The following DLG2 variants were observed in gnomAD, a reference collection of about 807,000 sequenced individuals.
DLG2 encodes disks large homolog 2.
A neutral mutation model predicts 132.5 loss-of-function variants in DLG2; 45 were observed. That is an observed-to-expected ratio of 0.34 (90% CI 0.27 to 0.44). The LOEUF (loss-of-function observed/expected upper bound fraction) is 0.44, where lower values mean the gene tolerates loss of function less well. Ranked by LOEUF, DLG2 falls within the 20% of genes least tolerant of loss-of-function variation. The pLI is 1.00. For synonymous variants in DLG2, 424 were observed against 419.6 expected, an observed-to-expected ratio of 1.01 and a Z score of -0.13; for missense variants, 1,045 against 1,196.9, an observed-to-expected ratio of 0.87 and a Z score of 1.87.
intron 13 of DLG2, among the ~76,000 whole-genome samples, chr11:83,963,813 T>C (rs777213079): frequency 6.6e-6 from 1 of 152,002 alleles, no homozygotes; most frequent in Non-Finnish European, 1.5e-5. Flanking sequence ...CACTGTACCA[T>C]CTACCTAGAA....
At chr11:85,593,931 TC>T (rs1218606145) in intron 3 of DLG2, among the ~76,000 whole-genome samples, 8 of 152,130 alleles carry the variant, frequency 5.3e-5, no homozygotes, top group African/African-American at 1.4e-4. Context: ...GTATTGACTG[TC>T]CTCTATAGCT....
chr11:83,561,211 A>G (rs1336339003), intron 19 of DLG2, among the ~76,000 whole-genome samples: 1 of 152,168 alleles, frequency 6.6e-6, no homozygotes, highest in Non-Finnish European at 1.5e-5. Flanking sequence ...CACCTCCAAC[A>G]TTGGGGGTTC....
At chr11:85,073,579 G>A (rs1272493137) in intron 6 of DLG2, among the ~76,000 whole-genome samples, 2 of 151,776 alleles carry the variant, frequency 1.3e-5, no homozygotes, top group African/African-American at 2.4e-5. Flanking sequence ...AGTACCACCT[G>A]TAAATCTAGT....
intron 6 of DLG2, among the ~76,000 whole-genome samples, chr11:84,897,100 ATTT>A (rs889043653): frequency 1.3e-5 from 2 of 151,568 alleles, no homozygotes; most frequent in Non-Finnish European, 3.0e-5. Flanking sequence ...ACCCCACAAT[ATTT>A]TTTGTTAATC....
chr11:85,256,888 T>C (rs1207411598), intron 4 of DLG2, among the ~76,000 whole-genome samples: 1 of 152,256 alleles, frequency 6.6e-6, no homozygotes, highest in African/African-American at 2.4e-5. Context: ...AAATATTGTA[T>C]TCAGAAAAGC....
intron 11 of DLG2, among the ~76,000 whole-genome samples, chr11:84,031,849 T>C (rs2095703120): frequency 6.6e-6 from 1 of 152,200 alleles, no homozygotes; most frequent in Admixed American, 6.5e-5. Context: ...TCCAACAGTG[T>C]GTGTTCACTT....
intron 7 of DLG2, among the ~76,000 whole-genome samples, chr11:84,460,947 T>C (rs1413720899): frequency 6.6e-6 from 1 of 150,790 alleles, no homozygotes; most frequent in Non-Finnish European, 1.5e-5. Flanking sequence ...GAAACATTTT[T>C]TAAGAAGCAG....
intron 15 of DLG2, among the ~76,000 whole-genome samples, chr11:83,928,196 A>G (rs781683600): frequency 8.5e-5 from 13 of 152,124 alleles, no homozygotes; most frequent in Non-Finnish European, 1.8e-4. Flanking sequence ...AGAATACCCA[A>G]AAAGGGGAAT....
At chr11:84,984,630 T>C (rs972387012) in intron 6 of DLG2, among the ~76,000 whole-genome samples, 4 of 149,610 alleles carry the variant, frequency 2.7e-5, no homozygotes, top group African/African-American at 9.9e-5. Context: ...ATGAATGGAA[T>C]GGTACCTCGC....
intron 7 of DLG2, among the ~76,000 whole-genome samples, chr11:84,417,987 T>A (rs1302079843): frequency 6.6e-6 from 1 of 152,172 alleles, no homozygotes; most frequent in African/African-American, 2.4e-5. Flanking sequence ...TATAAATAAA[T>A]TCCTTGCTGT....
intron 7 of DLG2, among the ~76,000 whole-genome samples, chr11:84,381,943 A>G (rs547027226): frequency 2.0e-5 from 3 of 152,298 alleles, no homozygotes; most frequent in Admixed American, 6.5e-5. Flanking sequence ...CTTCTGGAGC[A>G]TGGGGACACC....
chr11:84,643,353 C>G lies in DLG2; in HGVS notation c.358-108622G>C, dbSNP rs139667080. Among the ~76,000 whole-genome samples, 418 of 152,292 alleles carry G rather than the reference C, an allele frequency of 2.7e-3. 1 individual carries two copies. Among genetic ancestry groups the G allele is most frequent in the East Asian group, 8.7e-3 (45 of 5,180 alleles). The stretch of plus-strand genomic sequence containing the variant: ...TTTTTGTAACTTCTTTCCTTAGAAA[C>G]AGAGAGAGCAGTTATAACCATTACA... On this transcript the variant is annotated intron_variant, in intron 6 of 27. Transcript: ENST00000376104.
At chr11:84,757,692 A>C (rs923447834) in intron 6 of DLG2, among the ~76,000 whole-genome samples, 3 of 151,172 alleles carry the variant, frequency 2.0e-5, no homozygotes, top group Non-Finnish European at 4.4e-5. Flanking sequence ...TTATTACACC[A>C]TTTAATAGAA....
chr11:83,939,920 C>T (rs2082278688), intron 14 of DLG2, among the ~76,000 whole-genome samples: 1 of 152,182 alleles, frequency 6.6e-6, no homozygotes, highest in Non-Finnish European at 1.5e-5. Context: ...ATATAATTCT[C>T]TACTTGTGAA....
chr11:84,860,650 C>T (rs777222334), intron 6 of DLG2, among the ~76,000 whole-genome samples: 3 of 152,056 alleles, frequency 2.0e-5, no homozygotes, highest in Non-Finnish European at 4.4e-5. Flanking sequence ...TAATAAAGGA[C>T]ACCTGTGTTA....
intron 3 of DLG2, among the ~76,000 whole-genome samples, chr11:85,435,121 C>T (rs2091407168): frequency 6.6e-6 from 1 of 152,188 alleles, no homozygotes; most frequent in African/African-American, 2.4e-5. Flanking sequence ...AACATCCCTT[C>T]ACATTAAAAA....
At position 84,195,678 on chromosome 11, in the gene DLG2, C is replaced by T. The variant is rs570154984; in HGVS notation, c.574-32167G>A. ...GATAAAAATCCATACTGTGTAATTA[C>T]GACAATTCTTGATAAATACATGTTT... On this transcript the variant is annotated intron_variant, in intron 8 of 27. Coordinates refer to ENST00000376104, the MANE Select transcript of DLG2 (RefSeq NM_001142699.3). 4.3e-4 allele frequency among the ~76,000 whole-genome samples: 65 copies of T among 152,304 alleles called. 1 individual carries two copies. The highest frequency in any genetic ancestry group is 3.4e-3 in the Middle Eastern group (1 of 294).
intron 12 of DLG2, among the ~76,000 whole-genome samples, chr11:83,974,881 C>T (rs34436974): frequency 0.043 from 6,473 of 152,074 alleles, 199 homozygotes; most frequent in Non-Finnish European, 0.067. Context: ...TTTCCTGTCA[C>T]TTACTACTTC....
chr11:84,847,511 G>C (rs562407500), intron 6 of DLG2, among the ~76,000 whole-genome samples: 2 of 152,224 alleles, frequency 1.3e-5, no homozygotes, highest in South Asian at 4.1e-4. Context: ...GAACTGTCCA[G>C]TTTTCAAGCA....
Sources: gnomAD v4.1 joint callset for allele counts (sites outside exome capture counted in the v4.1 genomes callset) on GRCh38, gnomAD v4.1.1 for gene constraint, MANE v1.5 for transcripts, NCBI Gene and HGNC (gene_info 2026-07-23, HGNC 2026-07-21) for gene names.